The following CACNA2D3 variants were observed in gnomAD, a reference collection of about 807,000 sequenced individuals.
CACNA2D3 encodes the protein calcium voltage-gated channel auxiliary subunit alpha2delta 3.
A neutral mutation model predicts 160.6 loss-of-function variants in CACNA2D3; 60 were observed. That is an observed-to-expected ratio of 0.37 (90% confidence interval 0.30 to 0.46). The LOEUF (loss-of-function observed/expected upper bound fraction) is 0.46, where lower values mean the gene tolerates loss of function less well. Among genes scored for constraint, CACNA2D3 ranks in the 20% least tolerant of loss-of-function variants. CACNA2D3 has a pLI of 1.00. For synonymous variants in CACNA2D3, 558 were observed against 492.9 expected, an observed-to-expected ratio of 1.13 and a Z score of -1.75; for missense variants, 1,205 against 1,365.0, an observed-to-expected ratio of 0.88 and a Z score of 1.85.
chr3:54,554,942 T>C (rs1053009838), intron 5 of CACNA2D3, among the ~76,000 whole-genome samples: 5 of 144,884 alleles, frequency 3.5e-5, no homozygotes, highest in Non-Finnish European at 7.5e-5. Context: ...TAGTGCAATC[T>C]TGGCTCATCG....
At chr3:54,503,239 C>T (rs1172912619) in intron 4 of CACNA2D3, among the ~76,000 whole-genome samples, 1 of 152,206 alleles carries the variant, frequency 6.6e-6, no homozygotes, top group Non-Finnish European at 1.5e-5. Flanking sequence ...TCTATATGCA[C>T]ATAAGAAAGT....
At chr3:54,184,620 G>GC (rs1700846852) in intron 2 of CACNA2D3, among the ~76,000 whole-genome samples, 2 of 152,206 alleles carry the variant, frequency 1.3e-5, no homozygotes, top group South Asian at 4.1e-4. Context: ...TGTGAAATGG[G>GC]CCATCCCATG....
chr3:54,612,162 C>T lies in CACNA2D3; in HGVS notation c.964-15625C>T, dbSNP rs371268293. ...AGGAAGAGAGGGAAGTGAGGGCTTA[C>T]AGCTGAAAATCAGCAGAGCCAATAA... On this transcript the variant is annotated intron_variant, in intron 9 of 37. Transcript: ENST00000474759. Among the ~76,000 whole-genome samples, 20 of 152,136 alleles carry T rather than the reference C, an allele frequency of 1.3e-4. 1 individual carries two copies. Among genetic ancestry groups the T allele is most frequent in the Admixed American group, 1.2e-3 (18 of 15,276 alleles).
At chr3:54,424,307 A>G (rs1699881773) in intron 4 of CACNA2D3, among the ~76,000 whole-genome samples, 1 of 152,190 alleles carries the variant, frequency 6.6e-6, no homozygotes, top group African/African-American at 2.4e-5. Context: ...TGTGAGGAGA[A>G]GCTCCTAGCT....
At chr3:54,581,460 C>T (rs1034853721) in intron 8 of CACNA2D3, among the ~76,000 whole-genome samples, 1 of 152,192 alleles carries the variant, frequency 6.6e-6, no homozygotes, top group Non-Finnish European at 1.5e-5. Context: ...GGGTGCTCTT[C>T]AGCTCCCACC....
chr3:54,852,639 G>A (rs571787019), intron 17 of CACNA2D3, among the ~76,000 whole-genome samples: 1 of 152,074 alleles, frequency 6.6e-6, no homozygotes, highest in Non-Finnish European at 1.5e-5. Context: ...TGGATTCCTG[G>A]GCAGTGCACG....
intron 34 of CACNA2D3, among the ~76,000 whole-genome samples, chr3:55,010,674 G>T (rs1050792573): frequency 6.6e-6 from 1 of 152,254 alleles, no homozygotes; most frequent in South Asian, 2.1e-4. Flanking sequence ...AAAAGAGATT[G>T]ATTAGTCACA....
chr3:54,179,529 A>G (rs925710855), intron 2 of CACNA2D3, among the ~76,000 whole-genome samples: 3 of 152,140 alleles, frequency 2.0e-5, no homozygotes, highest in Non-Finnish European at 2.9e-5. Flanking sequence ...AATTGGGGGA[A>G]TTTTGCTGGG....
At chr3:54,883,002 A>G (rs1023307579) in intron 21 of CACNA2D3, among the ~76,000 whole-genome samples, 2 of 152,022 alleles carry the variant, frequency 1.3e-5, no homozygotes, top group African/African-American at 2.4e-5. Context: ...GAATCTTTTA[A>G]TCTTTTTCAA....
At chr3:54,528,773 C>A (rs1315706700) in intron 5 of CACNA2D3, among the ~76,000 whole-genome samples, 1 of 152,074 alleles carries the variant, frequency 6.6e-6, no homozygotes, top group Non-Finnish European at 1.5e-5. Flanking sequence ...GTGTAATTGC[C>A]CCTTAAACAT....
chr3:55,004,945 T>C lies in CACNA2D3; in HGVS notation c.2766+107T>C. ...TAATCAAGTTTATCTTTTTGCAAAA[T>C]CATGAACATTTTGACTTTACTCACT... On this transcript the variant is annotated intron_variant, in intron 32 of 37. Coordinates refer to ENST00000474759, the MANE Select transcript of CACNA2D3 (RefSeq NM_018398.3). 8.2e-6 allele frequency: 6 copies of C among 729,292 alleles called. No individual in the cohort carries two copies. The South Asian group carries it at 1.1e-4, about 14-fold the overall frequency. 45.2% of individuals were successfully genotyped at this position (729,292 alleles called of 1,614,324 possible).
intron 2 of CACNA2D3, among the ~76,000 whole-genome samples, chr3:54,131,286 G>T (rs1357662783): frequency 6.6e-6 from 1 of 152,198 alleles, no homozygotes. Context: ...CTGCAGTGGC[G>T]GCGGCCTCTG....
intron 16 of CACNA2D3, among the ~76,000 whole-genome samples, chr3:54,844,806 A>G (rs2106771631): frequency 6.6e-6 from 1 of 152,350 alleles, no homozygotes; most frequent in East Asian, 1.9e-4. Context: ...CAAAAGAAGA[A>G]GAACCAAAGT....
At chr3:54,916,707 T>C (rs979410841) in intron 27 of CACNA2D3, among the ~76,000 whole-genome samples, 4 of 152,180 alleles carry the variant, frequency 2.6e-5, no homozygotes. Flanking sequence ...TAGGAAGTGA[T>C]AGGTTCACCC....
intron 27 of CACNA2D3, chr3:54,918,164 A>G: frequency 3.5e-6 from 1 of 289,006 alleles, no homozygotes; most frequent in South Asian, 5.8e-5. Context: ...CCTGGAAGAG[A>G]TGGCATCTTC....
intron 28 of CACNA2D3, among the ~76,000 whole-genome samples, chr3:54,968,742 G>T (rs774724002): frequency 5.3e-5 from 8 of 152,136 alleles, no homozygotes; most frequent in African/African-American, 1.7e-4. Context: ...TTTTAATTGT[G>T]GGATCAAGAT....
rs1168806206 is a variant in CACNA2D3, at chr3:54,626,598, C to T, written c.964-1189C>T. 1.1e-5 allele frequency: 16 copies of T among 1,427,182 alleles called. No individual in the cohort carries two copies. In the East Asian group the frequency reaches 1.1e-4, roughly 10 times the overall value. The allele number at this position is 1,427,182 out of a possible 1,614,324, so 88.4% of individuals were successfully genotyped here. ...TCACCTACAAGCCCATAAAGCACGGCGGGCCCGGCATCGGGGCCAGCCACT... is the reference window on the plus strand; with the variant it reads ...TCACCTACAAGCCCATAAAGCACGGTGGGCCCGGCATCGGGGCCAGCCACT... On this transcript the variant is annotated intron_variant, in intron 9 of 37. Transcript: ENST00000474759.
intron 11 of CACNA2D3, among the ~76,000 whole-genome samples, chr3:54,729,479 C>T (rs768738499): frequency 1.3e-5 from 2 of 152,052 alleles, no homozygotes; most frequent in Non-Finnish European, 2.9e-5. Flanking sequence ...GTAAGAGTTG[C>T]TTTATTCCAG....
chr3:54,546,944 CT>C (rs1191739257), intron 5 of CACNA2D3, among the ~76,000 whole-genome samples: 5 of 152,072 alleles, frequency 3.3e-5, no homozygotes. Flanking sequence ...AATTTGTACT[CT>C]TTTATTATTT....
Sources: gnomAD v4.1 joint callset for allele counts (sites outside exome capture counted in the v4.1 genomes callset) on GRCh38, gnomAD v4.1.1 for gene constraint, MANE v1.5 for transcripts, NCBI Gene and HGNC (gene_info 2026-07-23, HGNC 2026-07-21) for gene names.